Variants in DPP10 observed in about 807,000 individuals in gnomAD.
DPP10 encodes dipeptidyl peptidase like 10.
A neutral mutation model predicts 120.9 loss-of-function variants in DPP10; 33 were observed. The ratio of observed to expected loss-of-function variants is 0.27; its 90% CI spans 0.21 to 0.37. The LOEUF is 0.37. Among genes scored for constraint, DPP10 ranks in the 10% least tolerant of loss-of-function variants. DPP10 has a pLI of 1.00. For missense variants in DPP10, 816 were observed against 942.8 expected (o/e 0.87, Z 1.76); for synonymous variants, 337 against 326.1 (o/e 1.03, Z -0.36).
At chr2:115,154,068 T>C (rs2051739396) in intron 1 of DPP10, among the ~76,000 whole-genome samples, 2 of 152,204 alleles carry the variant, frequency 1.3e-5, no homozygotes, top group African/African-American at 4.8e-5. Context: ...TTGAGCATAA[T>C]CTTAGAAATT....
At chr2:115,678,577 G>A (rs2090438961) in intron 5 of DPP10, among the ~76,000 whole-genome samples, 1 of 152,152 alleles carries the variant, frequency 6.6e-6, no homozygotes, top group Non-Finnish European at 1.5e-5. Context: ...CAGTCCTCAT[G>A]GAGAACCTCT....
intron 1 of DPP10, chr2:114,462,075 A>C: frequency 1.0e-6 from 1 of 985,442 alleles, no homozygotes; most frequent in Non-Finnish European, 1.2e-6. Context: ...AAAGGGCTTC[A>C]CCAGGATGAT....
chr2:115,622,149 A>G (rs1473916514), intron 5 of DPP10, among the ~76,000 whole-genome samples: 1 of 152,146 alleles, frequency 6.6e-6, no homozygotes, highest in Non-Finnish European at 1.5e-5. Context: ...CCTTGATCAC[A>G]TTAGCAATCT....
intron 1 of DPP10, among the ~76,000 whole-genome samples, chr2:114,755,939 C>A (rs1679694833): frequency 3.8e-5 from 5 of 132,394 alleles, no homozygotes; most frequent in Admixed American, 8.3e-5. Flanking sequence ...TGAGACAGTG[C>A]TAGGAAGAAA....
chr2:115,057,246 C>G (rs754193180), intron 1 of DPP10, among the ~76,000 whole-genome samples: 16 of 152,174 alleles, frequency 1.1e-4, no homozygotes, highest in African/African-American at 3.6e-4. Flanking sequence ...CTTACCCACT[C>G]TGTGTGCCAA....
chr2:114,570,475 G>A (rs1012009707), intron 1 of DPP10, among the ~76,000 whole-genome samples: 4 of 152,166 alleles, frequency 2.6e-5, no homozygotes, highest in South Asian at 4.2e-4. Flanking sequence ...TAGGAGCTTT[G>A]GCAATGTGTC....
intron 1 of DPP10, among the ~76,000 whole-genome samples, chr2:115,209,607 C>T (rs1011993012): frequency 1.3e-5 from 2 of 152,054 alleles, no homozygotes; most frequent in East Asian, 3.9e-4. Flanking sequence ...TTGTTGTCTG[C>T]CTTGCTTTAA....
At chr2:115,704,388 C>A (rs1205434462) in intron 7 of DPP10, among the ~76,000 whole-genome samples, 2 of 151,744 alleles carry the variant, frequency 1.3e-5, no homozygotes, top group Admixed American at 1.3e-4. Flanking sequence ...ATTTTTAATA[C>A]TATTTATTTA....
chr2:114,532,296 T>TATACACACACACAC (rs1342125338), intron 1 of DPP10, among the ~76,000 whole-genome samples: 4 of 74,788 alleles, frequency 5.3e-5, no homozygotes, highest in African/African-American at 2.6e-4. Flanking sequence ...TATATATATA[T>TATACACACACACAC]ACACACACAC....
At chr2:115,398,976 T>A (rs1206744105) in intron 3 of DPP10, among the ~76,000 whole-genome samples, 2 of 151,740 alleles carry the variant, frequency 1.3e-5, no homozygotes, top group East Asian at 3.9e-4. Flanking sequence ...GAGAGCACAC[T>A]TTTTTTTAAG....
chr2:114,565,866 T>G (rs1405241140), intron 1 of DPP10, among the ~76,000 whole-genome samples: 1 of 152,230 alleles, frequency 6.6e-6, no homozygotes, highest in East Asian at 1.9e-4. Context: ...GACACTTAAC[T>G]CATAGAATAG....
chr2:115,723,831 A>C (rs972847749), intron 7 of DPP10, among the ~76,000 whole-genome samples: 6 of 152,106 alleles, frequency 3.9e-5, no homozygotes, highest in Non-Finnish European at 5.9e-5. Flanking sequence ...TTTATTTCCC[A>C]GAAAGCAAGC....
chr2:115,072,971 TG>T (rs1707491924), intron 1 of DPP10, among the ~76,000 whole-genome samples: 1 of 152,050 alleles, frequency 6.6e-6, no homozygotes, highest in African/African-American at 2.4e-5. Context: ...TTAGGAGAGA[TG>T]GGGTTTCACC....
At chr2:115,379,909 T>C in intron 3 of DPP10, among the ~76,000 whole-genome samples, 1 of 152,210 alleles carries the variant, frequency 6.6e-6, no homozygotes, top group Non-Finnish European at 1.5e-5. Context: ...TGCACTGTGG[T>C]CTGAGAGATA....
intron 1 of DPP10, among the ~76,000 whole-genome samples, chr2:114,637,788 TG>T (rs1287674082): frequency 2.6e-5 from 4 of 151,978 alleles, no homozygotes; most frequent in Admixed American, 1.3e-4. Flanking sequence ...AAAGATCAGA[TG>T]GCTGTATGTG....
chr2:115,283,214 A>G (rs1413881749), intron 1 of DPP10, among the ~76,000 whole-genome samples: 4 of 152,040 alleles, frequency 2.6e-5, no homozygotes, highest in Non-Finnish European at 5.9e-5. Context: ...TCACTCAATT[A>G]CGGTATTATA....
chr2:114,776,130 A>G (rs2106172315), intron 1 of DPP10, among the ~76,000 whole-genome samples: 1 of 152,346 alleles, frequency 6.6e-6, no homozygotes, highest in South Asian at 2.1e-4. Flanking sequence ...GCTCTAGATA[A>G]AAATAAAGAG....
intron 1 of DPP10, among the ~76,000 whole-genome samples, chr2:114,464,283 A>T (rs1048411033): frequency 6.6e-6 from 1 of 152,150 alleles, no homozygotes. Flanking sequence ...TTAAGATTTC[A>T]GTCATTCTAA....
chr2:115,616,192 G>A (rs1388985207), intron 5 of DPP10, among the ~76,000 whole-genome samples: 1 of 151,924 alleles, frequency 6.6e-6, no homozygotes, highest in African/African-American at 2.4e-5. Context: ...GTAGAGAATG[G>A]GGATGGATAA....
Sources: gnomAD v4.1 joint callset for allele counts (sites outside exome capture counted in the v4.1 genomes callset) on GRCh38, gnomAD v4.1.1 for gene constraint, MANE v1.5 for transcripts, NCBI Gene and HGNC (gene_info 2026-07-23, HGNC 2026-07-21) for gene names.